Variants in GATAD1 observed in about 807,000 individuals in gnomAD.
GATAD1 encodes GATA zinc finger domain-containing protein 1.
Under a neutral mutation model 26.5 loss-of-function variants are expected in GATAD1, and 12 were observed. The ratio of observed to expected loss-of-function variants is 0.45; its 90% CI spans 0.29 to 0.73. The LOEUF (loss-of-function observed/expected upper bound fraction) is 0.73. GATAD1 is among the 30% of genes least tolerant of loss of function. GATAD1 has a pLI of 0.10. For synonymous variants in GATAD1, 129 were observed against 133.1 expected, an observed-to-expected ratio of 0.97 and a Z score of 0.21; for missense variants, 266 against 342.1, an observed-to-expected ratio of 0.78 and a Z score of 1.75.
Position 92,456,668 on chromosome 7 carries a change from T to A in GATAD1, c.*106T>A. The A allele has an allele frequency of 1.6e-6, 1 of 638,450 alleles. No homozygotes were observed. The highest frequency in any genetic ancestry group is 2.6e-6 in the Non-Finnish European group (1 of 380,348). The allele number at this position is 638,450 out of a possible 1,614,324, so 39.5% of individuals were successfully genotyped here. ...AGCTGGGCAATGGAGTCAGATTCTC[T>A]TTCTTAAAAAACCACAAAAAAACTG... On this transcript the variant is annotated 3_prime_UTR_variant, in exon 5 of 5. Coordinates refer to ENST00000287957, the MANE Select transcript of GATAD1 (RefSeq NM_021167.5).
intron 2 of GATAD1, chr7:92,449,207 T>C: frequency 1.0e-6 from 1 of 975,360 alleles, no homozygotes; most frequent in Non-Finnish European, 1.2e-6. Flanking sequence ...GTTCTTGATA[T>C]GGCCAGGTAC....
At chr7:92,460,799 A>G (rs1056632598), downstream of GATAD1, among the ~76,000 whole-genome samples, 1 of 149,140 alleles carries the variant, frequency 6.7e-6, no homozygotes, top group Non-Finnish European at 1.5e-5. Context: ...AAAAAAAAAA[A>G]GACGGAAATT....
chr7:92,449,736 A>T (rs937480934), intron 2 of GATAD1: 7 of 344,936 alleles, frequency 2.0e-5, no homozygotes, highest in Non-Finnish European at 2.9e-5. Context: ...TCTGGGATAC[A>T]TGTGCAGAAT....
At chr7:92,463,737 G>A (rs1405862522), downstream of GATAD1, among the ~76,000 whole-genome samples, 1 of 151,714 alleles carries the variant, frequency 6.6e-6, no homozygotes, top group African/African-American at 2.4e-5. Flanking sequence ...GGGAGGCCAA[G>A]GCAGGCAGAT....
chr7:92,460,984 C>T (rs1294254933), downstream of GATAD1, among the ~76,000 whole-genome samples: 2 of 152,048 alleles, frequency 1.3e-5, no homozygotes, highest in Admixed American at 6.6e-5. Flanking sequence ...GGTGAACAAC[C>T]GCTGGCTTTT....
the GATAD1 span, among the ~76,000 whole-genome samples, chr7:92,475,464 G>A: frequency 6.6e-6 from 1 of 152,186 alleles, no homozygotes; most frequent in Non-Finnish European, 1.5e-5. Context: ...TGATGTTGCA[G>A]TCCTGCACCT....
At chr7:92,494,513 T>G in the GATAD1 span, 1 of 1,613,940 alleles carries the variant, frequency 6.2e-7, no homozygotes, top group Non-Finnish European at 8.5e-7. Flanking sequence ...TCCATCCAAC[T>G]GAGTCAGCAA....
the GATAD1 span, chr7:92,494,281 T>C: frequency 6.3e-6 from 10 of 1,594,542 alleles, no homozygotes; most frequent in Non-Finnish European, 8.6e-6. Flanking sequence ...ACTCTAAATA[T>C]GAAATTGTCA....
downstream of GATAD1, among the ~76,000 whole-genome samples, chr7:92,462,132 A>C (rs1441807240): frequency 6.6e-6 from 1 of 152,226 alleles, no homozygotes; most frequent in Non-Finnish European, 1.5e-5. Context: ...AGAGGATTTA[A>C]AATGTGGACC....
At chr7:92,489,701 GA>G in the GATAD1 span, 2 of 1,607,462 alleles carry the variant, frequency 1.2e-6, no homozygotes, top group Non-Finnish European at 1.7e-6. Context: ...TAATGAGGGG[GA>G]AAAAGCCATA....
At chr7:92,466,841 CAG>C in the GATAD1 span, among the ~76,000 whole-genome samples, 1 of 152,032 alleles carries the variant, frequency 6.6e-6, no homozygotes. Flanking sequence ...AGTGTGGAAA[CAG>C]GAGTTACTTT....
chr7:92,456,863 A>G lies in GATAD1; in HGVS notation c.*301A>G, dbSNP rs962556294. ...AAAATTAAAAGGGATAGGGCCAGGC[A>G]CAGTGGCTTATGCCTGTAATTGCAG... On this transcript the variant is annotated 3_prime_UTR_variant, in exon 5 of 5. Transcript: ENST00000287957. The G allele has an allele frequency of 4.0e-5, 10 of 248,576 alleles. No homozygotes were observed. The highest frequency in any genetic ancestry group is 2.2e-4 in the African/African-American group (10 of 44,904). 15.4% of individuals were successfully genotyped at this position (248,576 alleles called of 1,614,324 possible).
At chr7:92,491,716 A>C in the GATAD1 span, 1 of 510,452 alleles carries the variant, frequency 2.0e-6, no homozygotes, top group Non-Finnish European at 3.5e-6. Context: ...ATAATTTACC[A>C]ACCATCCCCC....
chr7:92,479,553 A>C, the GATAD1 span, among the ~76,000 whole-genome samples: 1 of 152,192 alleles, frequency 6.6e-6, no homozygotes, highest in Admixed American at 6.5e-5. Context: ...TGCAGGTCAC[A>C]GGGGATATGA....
chr7:92,494,070 G>A, the GATAD1 span: 2 of 507,312 alleles, frequency 3.9e-6, no homozygotes, highest in Non-Finnish European at 7.1e-6. Flanking sequence ...TCCCCAATCA[G>A]CCAACACAGA....
chr7:92,486,801 A>C, the GATAD1 span, among the ~76,000 whole-genome samples: 1 of 152,142 alleles, frequency 6.6e-6, no homozygotes, highest in Non-Finnish European at 1.5e-5. Context: ...GATTGTATTG[A>C]TGGTGGCTAA....
rs1562820538 is a variant in GATAD1, at chr7:92,454,569, CTCAAA to C, written c.507_511del (p.Ile170ArgfsTer23). On this transcript the variant is annotated frameshift_variant, in exon 4 of 5. Coordinates refer to ENST00000287957, the MANE Select transcript of GATAD1 (RefSeq NM_021167.5). LOFTEE classifies it high-confidence loss of function. ...GAACAAGATGGAAAGCCCTACTATG[CTCAAA>C]TCAGAGGTTTTATCCAGGACCAGTA... 1 of 1,612,832 alleles carries C rather than the reference CTCAAA, an allele frequency of 6.2e-7. No individual in the cohort carries two copies.
chr7:92,491,295 C>G, the GATAD1 span: 1 of 1,611,360 alleles, frequency 6.2e-7, no homozygotes, highest in Non-Finnish European at 8.5e-7. Context: ...GTTCCATTTC[C>G]AAGTTCTGAT....
Position 92,456,405 on chromosome 7 carries a change from A to T in GATAD1, c.653A>T (p.Tyr218Phe). 6.2e-7 allele frequency: 1 copy of T among 1,612,512 alleles called. No homozygotes were observed. Among genetic ancestry groups the T allele is most frequent in the Non-Finnish European group, 8.5e-7 (1 of 1,178,854 alleles). The change falls in exon 5 of 5, where the codon TAC becomes TTC. Residue 218 changes from tyrosine to phenylalanine, a missense_variant. Physicochemically the swap from Tyr to Phe is conservative, Grantham distance 22 (BLOSUM62 3). Coordinates refer to ENST00000287957, the MANE Select transcript of GATAD1 (RefSeq NM_021167.5). The stretch of plus-strand genomic sequence containing the variant: ...GAAGATCTTCCAAGGAAGATGGAAT[A>T]CTTGGAATTTGTTTGTCATGCACCT... ...PEEDLPRKME[Y>F]LEFVCHAPSE...
Sources: gnomAD v4.1 joint callset for allele counts (sites outside exome capture counted in the v4.1 genomes callset) on GRCh38, gnomAD v4.1.1 for gene constraint, MANE v1.5 for transcripts, NCBI Gene and HGNC (gene_info 2026-07-23, HGNC 2026-07-21) for gene names.